Variants in MARK1 observed in about 807,000 individuals in gnomAD.
MARK1 encodes serine/threonine-protein kinase MARK1.
In MARK1, 40 loss-of-function variants were observed where a neutral mutation model predicts 96.3. The ratio of observed to expected loss-of-function variants is 0.42; its 90% CI spans 0.32 to 0.54. The LOEUF (loss-of-function observed/expected upper bound fraction) is 0.54, where lower values mean the gene tolerates loss of function less well. Ranked by LOEUF, MARK1 falls within the 20% of genes least tolerant of loss-of-function variation. MARK1 has a pLI of 0.16. For missense variants in MARK1, 719 were observed against 984.6 expected, an observed-to-expected ratio of 0.73 and a Z score of 3.61; for synonymous variants, 317 against 341.2, an observed-to-expected ratio of 0.93 and a Z score of 0.78.
chr1:220,624,650 A>G (rs1054557085), intron 9 of MARK1, among the ~76,000 whole-genome samples: 1 of 152,182 alleles, frequency 6.6e-6, no homozygotes, highest in East Asian at 1.9e-4. Flanking sequence ...CATTTCCCCA[A>G]ATAACAAACA....
At position 220,651,998 on chromosome 1, in the gene MARK1, G is replaced by C; in HGVS notation, c.1584G>C (p.Met528Ile). 1 of 1,600,640 alleles carries C rather than the reference G, an allele frequency of 6.2e-7. No individual in the cohort carries two copies. The change falls in exon 15 of 18, where the codon ATG (methionine) becomes ATC (isoleucine). Residue 528 changes from methionine to isoleucine, a missense_variant. Transcript: ENST00000366917. ...TTTATGGTGAAAGCCTTACGGAGAT[G>C]TCTGTGAGTAGCATATCTTCTGCAG... ...QNGKDSSLTE[M>I]SVSSISSAGS...
intron 6 of MARK1, 87 bp downstream of exon 6, chr1:220,604,224 T>C: frequency 1.5e-6 from 1 of 673,094 alleles, no homozygotes; most frequent in Non-Finnish European, 2.4e-6. Flanking sequence ...TCACAGCACA[T>C]GGTATTTTAA....
chr1:220,571,635 C>T (rs1450047660), intron 1 of MARK1: 1 of 152,208 alleles, frequency 6.6e-6, no homozygotes, highest in Non-Finnish European at 1.5e-5. Flanking sequence ...AGATTCATTG[C>T]TTGGATCCTT....
rs1572183328 is a variant in MARK1 at position 220,618,158 on chromosome 1, G to T, written c.553-152G>T. On this transcript the variant is annotated intron_variant, in intron 7 of 17. Transcript: ENST00000366917. The surrounding 1 kb of genome is among the most constrained non-coding windows in gnomAD (Gnocchi z 4.6). ...TGTAGATGTAATTCAGAACAGTTAT[G>T]CATTGAAGTACCATACTGGGCTTCT... 1 of 609,748 alleles carries T rather than the reference G, an allele frequency of 1.6e-6. No individual in the cohort carries two copies. Among genetic ancestry groups the T allele is most frequent in the East Asian group, 2.7e-5 (1 of 36,368 alleles). 37.8% of individuals were successfully genotyped at this position (609,748 alleles called of 1,614,324 possible). A position where few individuals can be genotyped will look rare whatever the true frequency, so the allele number is the denominator to read the frequency against.
chr1:220,577,476 T>C (rs908999978), intron 1 of MARK1, among the ~76,000 whole-genome samples: 1 of 152,230 alleles, frequency 6.6e-6, no homozygotes, highest in African/African-American at 2.4e-5. Context: ...TTTTACTCCT[T>C]CTTACATTAT....
intron 13 of MARK1, among the ~76,000 whole-genome samples, chr1:220,636,657 A>C (rs144786207): frequency 6.6e-6 from 1 of 152,214 alleles, no homozygotes; most frequent in East Asian, 1.9e-4. Flanking sequence ...TGACAAATAG[A>C]AGCCAGAAAG....
chr1:220,528,859 C>T lies in MARK1; in HGVS notation c.37C>T (p.Arg13Trp), dbSNP rs1225390888. 6.4e-7 allele frequency: 1 copy of T among 1,571,110 alleles called. No individual in the cohort carries two copies. The highest frequency in any genetic ancestry group is 1.4e-5 in the African/African-American group (1 of 73,526). The change falls in exon 1 of 18, where the codon CGG becomes TGG. Residue 13 changes from arginine (R) to tryptophan (W), a missense_variant. Transcript: ENST00000366917. ...ARTPLPTVNERDTENHTSVDG... is the reference protein window; with the variant it reads ...ARTPLPTVNEWDTENHTSVDG... ...GACGCCATTGCCGACGGTGAACGAG[C>T]GGGACACGGAAAATGTGAGTAACCG...
intron 1 of MARK1, 47 bp downstream of exon 1, chr1:220,528,920 C>A: frequency 6.6e-7 from 1 of 1,507,432 alleles, no homozygotes; most frequent in Non-Finnish European, 8.9e-7. Context: ...CGAGACCCTC[C>A]TCTGATCCCC....
At chr1:220,577,797 G>C (rs1663973037) in intron 1 of MARK1, among the ~76,000 whole-genome samples, 1 of 152,152 alleles carries the variant, frequency 6.6e-6, no homozygotes, top group South Asian at 2.1e-4. Context: ...AGACAGACGA[G>C]TAAATGTATA....
At position 220,654,618 on chromosome 1, in the gene MARK1, T is replaced by G. The variant is rs561738757; in HGVS notation, c.1988+1266T>G. The stretch of plus-strand genomic sequence containing the variant: ...CAACAGAGTCAGCATGGAAGTTAGA[T>G]CATAGTGTTAGCCGGCCATCTGCAG... On this transcript the variant is annotated intron_variant, in intron 16 of 17. Transcript: ENST00000366917. This position sits in a 1 kb window ranked among gnomAD's most constrained non-coding sequence, Gnocchi z 4.0. Among the ~76,000 whole-genome samples the G allele has an allele frequency of 2.6e-5, 4 of 152,332 alleles. No individual in the cohort carries two copies. Among genetic ancestry groups the G allele is most frequent in the African/African-American group, 9.6e-5 (4 of 41,576 alleles).
intron 3 of MARK1, among the ~76,000 whole-genome samples, chr1:220,586,834 T>C (rs932228784): frequency 6.6e-6 from 1 of 152,216 alleles, no homozygotes; most frequent in Admixed American, 6.5e-5. Flanking sequence ...AAGCATCGTA[T>C]TTTCATGTTT....
At chr1:220,573,431 C>T (rs1663610618) in intron 1 of MARK1, among the ~76,000 whole-genome samples, 1 of 152,252 alleles carries the variant, frequency 6.6e-6, no homozygotes, top group Non-Finnish European at 1.5e-5. Flanking sequence ...TCACACTGTT[C>T]TCCTGCCTTA....
intron 1 of MARK1, among the ~76,000 whole-genome samples, chr1:220,570,435 ATC>A (rs1663364831): frequency 1.3e-5 from 2 of 152,152 alleles, no homozygotes; most frequent in African/African-American, 2.4e-5. Flanking sequence ...CCATGTATAT[ATC>A]TTCTTAAGAA....
intron 3 of MARK1, 134 bp from the exon 4 acceptor site, chr1:220,598,197 T>C (rs548388373): frequency 8.9e-5 from 32 of 360,486 alleles, no homozygotes; most frequent in African/African-American, 6.0e-4. Flanking sequence ...TGAGAAAATA[T>C]CTTGTTTCAA....
chr1:220,537,069 G>C (rs1032537210), intron 1 of MARK1, among the ~76,000 whole-genome samples: 3 of 150,060 alleles, frequency 2.0e-5, no homozygotes, highest in African/African-American at 7.4e-5. Context: ...ATAGTTTGTT[G>C]CACAGATCAT....
Position 220,528,815 on chromosome 1 carries a change from C to A in MARK1, c.-8C>A. Reference sequence around the variant, plus strand: ...GAGACCCCGGCCAGACCCCGCTGCCCGCACAAAATGTCGGCCCGGACGCCA... The same window carrying A: ...GAGACCCCGGCCAGACCCCGCTGCCAGCACAAAATGTCGGCCCGGACGCCA... On this transcript the variant is annotated 5_prime_UTR_variant, in exon 1 of 18. Transcript: ENST00000366917. 1 of 1,554,372 alleles carries A rather than the reference C, an allele frequency of 6.4e-7. No homozygotes were observed. The highest frequency in any genetic ancestry group is 8.7e-7 in the Non-Finnish European group (1 of 1,149,052).
intron 9 of MARK1, chr1:220,627,441 T>G (rs1667411885): frequency 2.1e-6 from 1 of 473,774 alleles, no homozygotes; most frequent in Non-Finnish European, 4.4e-6. Flanking sequence ...GAGGTCAGGT[T>G]GGCCTGAGCA....
intron 1 of MARK1, among the ~76,000 whole-genome samples, chr1:220,561,782 G>C (rs1662684426): frequency 6.6e-6 from 1 of 152,190 alleles, no homozygotes; most frequent in South Asian, 2.1e-4. Context: ...CAACCATTTT[G>C]TATTTGGAAT....
intron 6 of MARK1, among the ~76,000 whole-genome samples, chr1:220,604,479 A>G (rs1665947102): frequency 6.6e-6 from 1 of 152,054 alleles, no homozygotes; most frequent in Non-Finnish European, 1.5e-5. Flanking sequence ...ATAAATTATT[A>G]CTGGCTTTAT....
Sources: gnomAD v4.1 joint callset for allele counts (sites outside exome capture counted in the v4.1 genomes callset) on GRCh38, gnomAD v4.1.1 for gene constraint, Gnocchi (gnomAD v3.1) non-coding constraint, MANE v1.5 for transcripts, NCBI Gene and HGNC (gene_info 2026-07-23, HGNC 2026-07-21) for gene names.